The following ETV4 variants were observed in gnomAD, a reference collection of about 807,000 sequenced individuals.
ETV4 encodes ETS translocation variant 4.
A neutral mutation model predicts 65.9 loss-of-function variants in ETV4; 42 were observed. The ratio of observed to expected loss-of-function variants is 0.64; its 90% confidence interval spans 0.50 to 0.82. ETV4 has a LOEUF of 0.82. ETV4 is among the 40% of genes least tolerant of loss of function. The pLI is 0.00. For missense variants in ETV4, 583 were observed against 630.3 expected (o/e 0.92, Z 0.80); for synonymous variants, 238 against 260.0 (o/e 0.92, Z 0.81).
At chr17:43,536,113 G>A (rs1277839136) in intron 5 of ETV4, among the ~76,000 whole-genome samples, 1 of 145,494 alleles carries the variant, frequency 6.9e-6, no homozygotes, top group African/African-American at 2.5e-5. Flanking sequence ...TCTGTCTTGG[G>A]GGGAAAACAA....
chr17:43,544,757 A>T, intron 4 of ETV4: 2 of 508,970 alleles, frequency 3.9e-6, no homozygotes, highest in South Asian at 5.7e-5. Flanking sequence ...TAGTTACACA[A>T]GCCTGGCTCA....
chr17:43,545,674 G>A lies in ETV4; in HGVS notation c.-51-6C>T, dbSNP rs933783008. 1 of 1,471,328 alleles carries A rather than the reference G, an allele frequency of 6.8e-7. No homozygotes were observed. Among genetic ancestry groups the A allele is most frequent in the Non-Finnish European group, 9.3e-7 (1 of 1,079,346 alleles). 91.1% of individuals were successfully genotyped at this position (1,471,328 alleles called of 1,614,324 possible). A position where few individuals can be genotyped will look rare whatever the true frequency, so the allele number is the denominator to read the frequency against. ...CCCCAAGCGGGGGCCGAGACCTGGT[G>A]GGGGAGGGGGCTGCGTTCGCACACC... On this transcript the variant is annotated splice_region_variant and splice_polypyrimidine_tract_variant and intron_variant, in intron 1 of 12. Transcript: ENST00000319349.
intron 4 of ETV4, among the ~76,000 whole-genome samples, chr17:43,540,162 C>T (rs1177614326): frequency 6.6e-6 from 1 of 152,176 alleles, no homozygotes; most frequent in Non-Finnish European, 1.5e-5. Context: ...TTGTTAAAAA[C>T]ACGATTACAG....
chr17:43,532,517 A>T (rs1970996960), intron 8 of ETV4, among the ~76,000 whole-genome samples, 157 bp downstream of exon 8: 1 of 152,148 alleles, frequency 6.6e-6, no homozygotes, highest in African/African-American at 2.4e-5. Flanking sequence ...AGAAAAAGAA[A>T]GAAAAATAAC....
chr17:43,535,838 G>A (rs1042628856), intron 5 of ETV4, among the ~76,000 whole-genome samples: 1 of 152,174 alleles, frequency 6.6e-6, no homozygotes, highest in Admixed American at 6.5e-5. Flanking sequence ...GGGGGCGGGC[G>A]CACTGGGCTC....
chr17:43,532,848 G>A lies in ETV4; in HGVS notation c.637C>T (p.Leu213=). 1 of 1,613,682 alleles carries A rather than the reference G, an allele frequency of 6.2e-7. No individual in the cohort carries two copies. The highest frequency in any genetic ancestry group is 1.1e-5 in the South Asian group (1 of 91,064). ...GGATAGGGTGGGCAGGGCTCCGACA[G>A]CTGGTGTTGGTAGGGGGCTGGGAGG... The part of the protein sequence containing the change: ...EPLPAPYQHQ[L]SEPCPPYPQQ... The change falls in exon 8 of 13, where the codon CTG becomes TTG. Residue 213 remains leucine (L), a synonymous_variant. Transcript: ENST00000319349.
At chr17:43,530,029 G>A (rs1375828795) in intron 9 of ETV4, 77 bp from the exon 10 acceptor site, 7 of 1,610,820 alleles carry the variant, frequency 4.3e-6, no homozygotes, top group Non-Finnish European at 3.4e-6. Flanking sequence ...GGGACTCCTG[G>A]CCAGGGAGAC....
At chr17:43,530,265 A>G in intron 8 of ETV4, 84 bp from the exon 9 acceptor site, 1 of 1,537,474 alleles carries the variant, frequency 6.5e-7, no homozygotes, top group Non-Finnish European at 8.8e-7. Context: ...TCCACATTCA[A>G]GAATTTCTTC....
chr17:43,531,721 A>G (rs966263690), intron 8 of ETV4, among the ~76,000 whole-genome samples: 3 of 152,108 alleles, frequency 2.0e-5, no homozygotes, highest in African/African-American at 7.2e-5. Flanking sequence ...AAACAAAACA[A>G]AACAAGAAAA....
intron 4 of ETV4, chr17:43,543,738 C>T (rs894934091): frequency 6.6e-6 from 1 of 152,196 alleles, no homozygotes; most frequent in African/African-American, 2.4e-5. Context: ...CACACAATAC[C>T]CTCAGAACCT....
At position 43,532,764 on chromosome 17, in the gene ETV4, C is replaced by G; in HGVS notation, c.721G>C (p.Ala241Pro). 1.2e-6 allele frequency: 2 copies of G among 1,614,066 alleles called. No individual in the cohort carries two copies. Among genetic ancestry groups the G allele is most frequent in the Non-Finnish European group, 1.7e-6 (2 of 1,180,014 alleles). Residue 241 changes from alanine to proline, a missense_variant, in exon 8 of 13, where the codon GCC becomes CCC. By Grantham distance (27) the Ala-to-Pro change is conservative. Coordinates refer to ENST00000319349, the MANE Select transcript of ETV4 (RefSeq NM_001079675.5). ...DPLYEQAGQP[A>P]VDQGGVNGHR... ...CCATTGACCCCACCCTGGTCCACGG[C>G]TGGCTGGCCCGCCTGTTCATACAGG...
chr17:43,537,590 G>T (rs1479115494), intron 4 of ETV4, among the ~76,000 whole-genome samples: 1 of 150,944 alleles, frequency 6.6e-6, no homozygotes, highest in Non-Finnish European at 1.5e-5. Flanking sequence ...CAGCTACTCG[G>T]AAGGCTGAGG....
intron 2 of ETV4, 43 bp from the exon 3 acceptor site, chr17:43,545,410 C>G: frequency 6.6e-7 from 1 of 1,509,642 alleles, no homozygotes; most frequent in South Asian, 1.2e-5. Flanking sequence ...CCCTGAGGCG[C>G]TTAGTCTGGG....
intron 5 of ETV4, among the ~76,000 whole-genome samples, chr17:43,535,797 G>C (rs1377956591): frequency 6.6e-6 from 1 of 152,176 alleles, no homozygotes; most frequent in African/African-American, 2.4e-5. Context: ...ATTGTCCCCA[G>C]TTTATGGAAG....
chr17:43,545,934 CGTGTGTGTGTGTGTGT>C (rs531139204), intron 1 of ETV4: 73 of 263,362 alleles, frequency 2.8e-4, no homozygotes, highest in Admixed American at 2.4e-3. Context: ...TACATAAGAA[CGTGTGTGTGTGTGTGT>C]GTGTGTGTGT....
At chr17:43,528,807 G>C (rs1421615253) in intron 12 of ETV4, 64 bp from the exon 13 acceptor site, 17 of 1,330,050 alleles carry the variant, frequency 1.3e-5, no homozygotes, top group Non-Finnish European at 1.5e-5. Context: ...GGGGTAAGGT[G>C]GGGGAGTGGG....
Position 43,545,673 on chromosome 17 carries a change from T to C in ETV4, c.-51-5A>G. ...GCCCCAAGCGGGGGCCGAGACCTGG[T>C]GGGGGAGGGGGCTGCGTTCGCACAC... is the stretch of plus-strand genomic sequence containing the variant. On this transcript the variant is annotated splice_region_variant and splice_polypyrimidine_tract_variant and intron_variant, in intron 1 of 12. Coordinates refer to ENST00000319349, the MANE Select transcript of ETV4 (RefSeq NM_001079675.5). 1 of 1,412,550 alleles carries C rather than the reference T, an allele frequency of 7.1e-7. No individual in the cohort carries two copies. The highest frequency in any genetic ancestry group is 1.2e-5 in the South Asian group (1 of 80,438). 87.5% of individuals were successfully genotyped at this position (1,412,550 alleles called of 1,614,324 possible).
Position 43,532,733 on chromosome 17 carries a change from C to T in ETV4, c.752G>A (p.Arg251Lys). 1 of 1,614,076 alleles carries T rather than the reference C, an allele frequency of 6.2e-7. No homozygotes were observed. The change falls in exon 8 of 13, where the codon AGG (arginine) becomes AAG (lysine). Residue 251 changes from arginine (R) to lysine (K), a missense_variant. Arg to Lys is a conservative substitution (Grantham distance 26). Transcript: ENST00000319349. ...GATCACCACCCCCGCCCCTGGGTAC[C>T]TGTGCCCATTGACCCCACCCTGGTC... The part of the protein sequence containing the change: ...AVDQGGVNGH[R>K]YPGAGVVIKQ...
rs762197744 is a variant in ETV4, at chr17:43,528,604, G to A, written c.1370C>T (p.Ser457Phe). Residue 457 changes from serine (S) to phenylalanine (F), a missense_variant, in exon 13 of 13, where the codon TCC (serine) becomes TTC (phenylalanine). Physicochemically the swap from Ser to Phe is radical, Grantham distance 155. Coordinates refer to ENST00000319349, the MANE Select transcript of ETV4 (RefSeq NM_001079675.5). ...GTAGGCGGGGCTCTCATCCAAGTGGGACAAAGGGACTGTGTCCTCCTCACT... is the reference window on the plus strand; with the variant it reads ...GTAGGCGGGGCTCTCATCCAAGTGGAACAAAGGGACTGTGTCCTCCTCACT... ...PVSEEDTVPL[S>F]HLDESPAYLP... 7.4e-6 allele frequency: 12 copies of A among 1,614,176 alleles called. No individual in the cohort carries two copies. The highest frequency in any genetic ancestry group is 4.4e-5 in the South Asian group (4 of 91,082).
Sources: allele counts gnomAD v4.1 joint callset (sites outside exome capture counted in the v4.1 genomes callset), GRCh38; gene constraint gnomAD v4.1.1; transcripts MANE v1.5; gene names NCBI Gene and HGNC (gene_info 2026-07-23, HGNC 2026-07-21).